Variants in ZNF277 observed in about 807,000 individuals in gnomAD.
The protein encoded by ZNF277 is zinc finger protein 277.
In ZNF277, 55 loss-of-function variants were observed where a neutral mutation model predicts 60.7. The observed-to-expected ratio is 0.91, with a 90% CI of 0.73 to 1.13. The LOEUF (loss-of-function observed/expected upper bound fraction) is 1.13. Among genes scored for constraint, ZNF277 ranks in the 50% most tolerant of loss-of-function variants. ZNF277 has a pLI of 0.00. For synonymous variants in ZNF277, 178 were observed against 179.3 expected, an observed-to-expected ratio of 0.99 and a Z score of 0.06; for missense variants, 510 against 523.0, an observed-to-expected ratio of 0.98 and a Z score of 0.24.
At chr7:112,239,231 C>G (rs1386157948) in intron 1 of ZNF277, among the ~76,000 whole-genome samples, 1 of 152,164 alleles carries the variant, frequency 6.6e-6, no homozygotes. Context: ...GAAAAGAAAG[C>G]ACCAGTAGAT....
intron 1 of ZNF277, among the ~76,000 whole-genome samples, chr7:112,258,870 A>G (rs990929253): frequency 6.6e-6 from 1 of 151,772 alleles, no homozygotes. Flanking sequence ...TCGTGCTACC[A>G]TTTGCCTTTG....
chr7:112,325,410 C>A (rs1239234303), intron 5 of ZNF277, among the ~76,000 whole-genome samples: 1 of 152,180 alleles, frequency 6.6e-6, no homozygotes, highest in African/African-American at 2.4e-5. Flanking sequence ...AGTCATAGAA[C>A]CCTTGGCAAA....
At chr7:112,215,380 G>A (rs1208137972) in intron 1 of ZNF277, among the ~76,000 whole-genome samples, 1 of 152,198 alleles carries the variant, frequency 6.6e-6, no homozygotes, top group South Asian at 2.1e-4. Flanking sequence ...CTCATCCTCT[G>A]GGACAGTGTC....
At chr7:112,234,246 C>G (rs1279400740) in intron 1 of ZNF277, among the ~76,000 whole-genome samples, 1 of 152,112 alleles carries the variant, frequency 6.6e-6, no homozygotes, top group Admixed American at 6.5e-5. Flanking sequence ...TGTTTTCTGT[C>G]TTTGTCCATT....
chr7:112,207,147 C>T (rs530958012), intron 1 of ZNF277, among the ~76,000 whole-genome samples: 1 of 152,294 alleles, frequency 6.6e-6, no homozygotes, highest in South Asian at 2.1e-4. Flanking sequence ...AGATCTGGTT[C>T]GCGCGCGTGT....
intron 4 of ZNF277, among the ~76,000 whole-genome samples, chr7:112,302,739 G>A (rs1194043360): frequency 1.3e-5 from 2 of 152,034 alleles, no homozygotes; most frequent in East Asian, 1.9e-4. Flanking sequence ...TACTGGTTGA[G>A]TGAGATCAGG....
At chr7:112,329,256 A>G (rs1793171743) in intron 6 of ZNF277, among the ~76,000 whole-genome samples, 1 of 152,174 alleles carries the variant, frequency 6.6e-6, no homozygotes, top group Non-Finnish European at 1.5e-5. Context: ...CTTAGACACT[A>G]TATGGCTCCA....
rs1792086661 is a variant in ZNF277 at position 112,287,092 on chromosome 7, C to T, written c.293+18C>T. On this transcript the variant is annotated intron_variant, in intron 2 of 11. Transcript: ENST00000361822. ...TTCCAAAGGTAAGTTCTGTTTTTGT[C>T]CTTAAAAGAATTAAATTTGACCATG... 1.9e-6 allele frequency: 3 copies of T among 1,611,888 alleles called. No homozygotes were observed. The highest frequency in any genetic ancestry group is 2.2e-5 in the East Asian group (1 of 44,852).
intron 7 of ZNF277, among the ~76,000 whole-genome samples, chr7:112,330,643 C>A (rs2117131326): frequency 6.7e-6 from 1 of 149,334 alleles, no homozygotes; most frequent in East Asian, 2.0e-4. Context: ...CGGCTCACTG[C>A]AACCTCTGCC....
chr7:112,330,569 T>C (rs1469378683), intron 7 of ZNF277: 3 of 202,556 alleles, frequency 1.5e-5, no homozygotes, highest in East Asian at 1.9e-4. Context: ...TTTTTTTTTT[T>C]TTCTTTTTTT....
chr7:112,299,396 G>A (rs939485484), intron 4 of ZNF277, among the ~76,000 whole-genome samples: 1 of 152,196 alleles, frequency 6.6e-6, no homozygotes, highest in Non-Finnish European at 1.5e-5. Flanking sequence ...AATGTTAAGA[G>A]ACAAGTACTT....
chr7:112,225,479 A>C (rs115378002), intron 1 of ZNF277, among the ~76,000 whole-genome samples: 2,675 of 152,332 alleles, frequency 0.018, 86 homozygotes, highest in African/African-American at 0.062. Context: ...TTTCCTTGTG[A>C]AATACTTTAG....
At chr7:112,224,382 G>A (rs530093767) in intron 1 of ZNF277, among the ~76,000 whole-genome samples, 9 of 152,388 alleles carry the variant, frequency 5.9e-5, no homozygotes, top group African/African-American at 2.2e-4. Context: ...TGGGCTGTGT[G>A]TGGCCCACGG....
chr7:112,208,456 A>G lies in ZNF277; in HGVS notation c.91+1649A>G, dbSNP rs184009333. On this transcript the variant is annotated intron_variant, in intron 1 of 11. Coordinates refer to ENST00000361822, the MANE Select transcript of ZNF277 (RefSeq NM_021994.3). ...TTTATTTTTAAATTTTACAAGTTTAAAAGTTTTTAAAAGCACTTCAAACCA... is the reference window on the plus strand; with the variant it reads ...TTTATTTTTAAATTTTACAAGTTTAGAAGTTTTTAAAAGCACTTCAAACCA... 9.4e-4 allele frequency among the ~76,000 whole-genome samples: 143 copies of G among 152,168 alleles called. 1 individual carries two copies. The highest frequency in any genetic ancestry group is 3.2e-3 in the African/African-American group (131 of 41,552).
chr7:112,298,377 G>T (rs1341182561), intron 4 of ZNF277, among the ~76,000 whole-genome samples: 2 of 152,104 alleles, frequency 1.3e-5, no homozygotes, highest in East Asian at 1.9e-4. Context: ...GTAGGGAAGG[G>T]AAGAAAGATA....
chr7:112,279,373 G>C (rs1184519291), intron 1 of ZNF277, among the ~76,000 whole-genome samples: 5 of 151,828 alleles, frequency 3.3e-5, no homozygotes, highest in Non-Finnish European at 7.4e-5. Flanking sequence ...TGATTTTCTG[G>C]GTTTTTTTTA....
intron 5 of ZNF277, among the ~76,000 whole-genome samples, chr7:112,321,167 C>T (rs1301286177): frequency 6.6e-5 from 10 of 151,676 alleles, no homozygotes; most frequent in African/African-American, 1.9e-4. Flanking sequence ...GTGATCCCCC[C>T]GCCTCAGCCT....
At chr7:112,260,332 C>T (rs1184999861) in intron 1 of ZNF277, among the ~76,000 whole-genome samples, 1 of 152,166 alleles carries the variant, frequency 6.6e-6, no homozygotes, top group African/African-American at 2.4e-5. Flanking sequence ...TTCCTTTACC[C>T]TCTCCAGTTT....
At chr7:112,209,297 A>G (rs189525360) in intron 1 of ZNF277, among the ~76,000 whole-genome samples, 5 of 152,332 alleles carry the variant, frequency 3.3e-5, no homozygotes, top group Admixed American at 3.3e-4. Context: ...CAAGTTTAAA[A>G]TTTTGACAGA....
Sources: gnomAD v4.1 joint callset for allele counts (sites outside exome capture counted in the v4.1 genomes callset) on GRCh38, gnomAD v4.1.1 for gene constraint, MANE v1.5 for transcripts, NCBI Gene and HGNC (gene_info 2026-07-23, HGNC 2026-07-21) for gene names.